FLT3: variants seen among roughly 807,000 people sequenced by gnomAD.
FLT3 encodes receptor-type tyrosine-protein kinase FLT3.
FLT3 carries 46 observed loss-of-function variants against 126.6 expected under a neutral mutation model. The observed-to-expected ratio is 0.36, with a 90% CI of 0.29 to 0.46. FLT3 has a LOEUF of 0.46. Among genes scored for constraint, FLT3 ranks in the 20% least tolerant of loss-of-function variants. FLT3 has a pLI of 1.00. For missense variants in FLT3, 1,069 were observed against 1,190.3 expected (o/e 0.90, Z 1.50); for synonymous variants, 404 against 434.4 (o/e 0.93, Z 0.87).
At chr13:28,050,765 C>T (rs970984318) in intron 5 of FLT3, among the ~76,000 whole-genome samples, 5 of 152,034 alleles carry the variant, frequency 3.3e-5, no homozygotes, top group Non-Finnish European at 7.4e-5. Flanking sequence ...CTCTCCCTGC[C>T]TCAGCAGAAA....
intron 4 of FLT3, 106 bp from the exon 5 acceptor site, chr13:28,052,780 G>A (rs916278462): frequency 1.3e-5 from 9 of 679,870 alleles, no homozygotes; most frequent in Admixed American, 6.3e-5. Flanking sequence ...CAACCATTAC[G>A]TATACATATT....
intron 4 of FLT3, among the ~76,000 whole-genome samples, chr13:28,053,839 C>T (rs945420538): frequency 2.0e-5 from 3 of 151,212 alleles, no homozygotes; most frequent in African/African-American, 7.3e-5. Flanking sequence ...TTGCAGTAGA[C>T]ATTTGGGTTG....
intron 5 of FLT3, among the ~76,000 whole-genome samples, chr13:28,052,153 G>A (rs1338922541): frequency 6.6e-6 from 1 of 151,574 alleles, no homozygotes; most frequent in Non-Finnish European, 1.5e-5. Context: ...GGAGTGCAAT[G>A]GCGTGATCTT....
intron 1 of FLT3, among the ~76,000 whole-genome samples, chr13:28,094,357 C>A (rs1251293259): frequency 6.6e-6 from 1 of 152,118 alleles, no homozygotes. Flanking sequence ...TCTTGGCTAC[C>A]AATTGACCTT....
Position 28,020,164 on chromosome 13 carries a change from C to G in FLT3, c.2419-1575G>C, listed in dbSNP as rs111550663. Among the ~76,000 whole-genome samples the G allele has an allele frequency of 4.4e-3, 669 of 152,064 alleles. 4 individuals are homozygous for G. Among genetic ancestry groups the G allele is most frequent in the African/African-American group, 0.014 (599 of 41,464 alleles). ...TATCCCACATTCCCTGCTGGTTTTC[C>G]TTTTCCTTCAAAAATCTCCATTAGT... On this transcript the variant is annotated intron_variant, in intron 19 of 23. Coordinates refer to ENST00000241453, the MANE Select transcript of FLT3 (RefSeq NM_004119.3).
chr13:28,049,246 A>C, intron 8 of FLT3, 138 bp downstream of exon 8: 1 of 855,048 alleles, frequency 1.2e-6, no homozygotes, highest in Non-Finnish European at 1.8e-6. Context: ...TATCTTTGCA[A>C]AGCTATTCTA....
chr13:28,075,871 C>A (rs2137800211), intron 1 of FLT3, among the ~76,000 whole-genome samples: 1 of 151,674 alleles, frequency 6.6e-6, no homozygotes, highest in South Asian at 2.1e-4. Context: ...TCTCGGCTCA[C>A]TGCAAACTCC....
chr13:28,048,488 T>C (rs1187888653), intron 8 of FLT3, 45 bp from the exon 9 acceptor site: 2 of 1,249,838 alleles, frequency 1.6e-6, no homozygotes, highest in African/African-American at 1.5e-5. Context: ...ATAATATTCA[T>C]AGGGAAACGT....
chr13:28,021,003 T>C (rs994026428), intron 19 of FLT3, among the ~76,000 whole-genome samples: 2 of 152,172 alleles, frequency 1.3e-5, no homozygotes, highest in Admixed American at 6.5e-5. Flanking sequence ...GCAGTGCCCC[T>C]TGACTGCCAG....
At chr13:28,075,542 TGGTG>T (rs1877870308) in intron 1 of FLT3, among the ~76,000 whole-genome samples, 1 of 151,960 alleles carries the variant, frequency 6.6e-6, no homozygotes, top group Non-Finnish European at 1.5e-5. Flanking sequence ...CTGGCCAACA[TGGTG>T]AAACCCTGTC....
intron 4 of FLT3, among the ~76,000 whole-genome samples, chr13:28,053,174 T>TCA (rs10549768): frequency 0.15 from 23,005 of 149,018 alleles, 1,945 homozygotes; most frequent in Middle Eastern, 0.25. Flanking sequence ...TCACCCTGGA[T>TCA]CACACACACA....
rs1305226637 is a variant in FLT3, at chr13:28,100,010, C to T, written c.43+458G>A. On this transcript the variant is annotated intron_variant, in intron 1 of 23. Transcript: ENST00000241453. The surrounding 1 kb of genome is among the most constrained non-coding windows in gnomAD (Gnocchi z 4.8). Reference sequence around the variant, plus strand: ...TCAGAGTTCCCTCCATAAATCAAAACCTCAAAAGAAGAGTTAAAGACGACA... The same window carrying T: ...TCAGAGTTCCCTCCATAAATCAAAATCTCAAAAGAAGAGTTAAAGACGACA... Among the ~76,000 whole-genome samples, 1 of 152,154 alleles carries T rather than the reference C, an allele frequency of 6.6e-6. No homozygotes were observed. The highest frequency in any genetic ancestry group is 2.1e-4 in the South Asian group (1 of 4,836).
Position 28,036,017 on chromosome 13 carries a change from A to T in FLT3, c.1336T>A (p.Ser446Thr). The T allele has an allele frequency of 1.9e-6, 3 of 1,614,080 alleles. No homozygotes were observed. Among genetic ancestry groups the T allele is most frequent in the Non-Finnish European group, 8.5e-7 (1 of 1,179,994 alleles). The change falls in exon 11 of 24, where the codon TCG becomes ACG. Residue 446 changes from serine (S) to threonine (T), a missense_variant. Coordinates refer to ENST00000241453, the MANE Select transcript of FLT3 (RefSeq NM_004119.3). ...RRKPQVLAEASASQASCFSDG... is the reference protein window; with the variant it reads ...RRKPQVLAEATASQASCFSDG... ...GAGAAACAGGACGCCTGACTTGCCG[A>T]TGCTTCTGCGAGCACTTGAGGTTTC...
chr13:28,087,967 C>T (rs866896107), intron 1 of FLT3, among the ~76,000 whole-genome samples: 1 of 152,280 alleles, frequency 6.6e-6, no homozygotes, highest in South Asian at 2.1e-4. Flanking sequence ...ACTAATTCCA[C>T]ATTTGATGTC....
intron 1 of FLT3, among the ~76,000 whole-genome samples, chr13:28,091,350 T>A (rs562516038): frequency 6.8e-6 from 1 of 146,512 alleles, no homozygotes; most frequent in Non-Finnish European, 1.5e-5. Flanking sequence ...GCCTCCCGAG[T>A]AGCTGGGACT....
At chr13:28,037,636 T>C (rs1052095988) in intron 9 of FLT3, among the ~76,000 whole-genome samples, 5 of 152,168 alleles carry the variant, frequency 3.3e-5, no homozygotes, top group African/African-American at 1.2e-4. Context: ...ACCAGGAAGT[T>C]CCTGCCCCTC....
chr13:28,035,376 T>C, intron 12 of FLT3, 119 bp downstream of exon 12: 10 of 941,756 alleles, frequency 1.1e-5, no homozygotes, highest in East Asian at 7.5e-5. Context: ...CAAGAAACCT[T>C]TTCTCACACA....
At chr13:28,052,426 C>A (rs1236142710) in intron 5 of FLT3, 119 bp downstream of exon 5, 4 of 1,092,118 alleles carry the variant, frequency 3.7e-6, no homozygotes, top group Non-Finnish European at 5.2e-6. Context: ...CTTTAAGAAG[C>A]CAAAGTTTCC....
At position 28,035,977 on chromosome 13, in the gene FLT3, A is replaced by C. The variant is rs1421436457; in HGVS notation, c.1376T>G (p.Leu459Ter). 6.2e-7 allele frequency: 1 copy of C among 1,614,136 alleles called. No homozygotes were observed. Among genetic ancestry groups the C allele is most frequent in the Admixed American group, 1.7e-5 (1 of 60,012 alleles). ...ACACTTCTTCCAGGTCCAAGATGGT[A>C]ATGGGTATCCATCCGAGAAACAGGA... is the stretch of plus-strand genomic sequence containing the variant. Reference protein sequence around the residue: ...QASCFSDGYPLPSWTWKKCSD... With the variant: ...QASCFSDGYP Residue 459 changes from leucine (L) to a stop codon, truncating the protein, a stop_gained, in exon 11 of 24, where the codon TTA becomes TGA. Transcript: ENST00000241453. LOFTEE classifies it high-confidence loss of function.
Sources: allele counts gnomAD v4.1 joint callset (sites outside exome capture counted in the v4.1 genomes callset), GRCh38; gene constraint gnomAD v4.1.1; non-coding constraint Gnocchi (gnomAD v3.1); transcripts MANE v1.5; gene names NCBI Gene and HGNC (gene_info 2026-07-23, HGNC 2026-07-21).